The following ZNF610 variants were observed in gnomAD, a reference collection of about 807,000 sequenced individuals.
The protein encoded by ZNF610 is zink finger protein.
Under a neutral mutation model 14.1 loss-of-function variants are expected in ZNF610, and 14 were observed. The ratio of observed to expected loss-of-function variants is 0.99; its 90% confidence interval spans 0.65 to 1.55. ZNF610 has a LOEUF of 1.55. Ranked by LOEUF, ZNF610 falls within the 40% of genes most tolerant of loss-of-function variation. The pLI, the probability that ZNF610 is intolerant of heterozygous loss-of-function variation, is 0.00. For missense variants in ZNF610, 530 were observed against 558.0 expected (o/e 0.95, Z 0.51); for synonymous variants, 185 against 187.6 (o/e 0.99, Z 0.11).
chr19:52,363,260 G>T (rs1985870656), intron 5 of ZNF610, among the ~76,000 whole-genome samples: 1 of 151,906 alleles, frequency 6.6e-6, no homozygotes, highest in African/African-American at 2.4e-5. Flanking sequence ...CACCTGAGTA[G>T]CTAGGATTAC....
chr19:52,361,720 A>C (rs1985790612), intron 5 of ZNF610, among the ~76,000 whole-genome samples: 2 of 151,924 alleles, frequency 1.3e-5, no homozygotes, highest in Admixed American at 6.6e-5. Context: ...TTGCCCTCCC[A>C]AAGTGCTAGG....
At chr19:52,338,912 A>G (rs192455239) in intron 1 of ZNF610, among the ~76,000 whole-genome samples, 43 of 139,146 alleles carry the variant, frequency 3.1e-4, no homozygotes, top group African/African-American at 1.1e-3. Flanking sequence ...CGCTCAGCAT[A>G]CGGAGGACCC....
chr19:52,333,169 G>A (rs1412576968), upstream of ZNF610, among the ~76,000 whole-genome samples: 1 of 152,188 alleles, frequency 6.6e-6, no homozygotes, highest in Admixed American at 6.5e-5. Context: ...ACATTAGAAG[G>A]AGAGCTCTTA....
chr19:52,350,964 C>T (rs778618879), intron 3 of ZNF610, among the ~76,000 whole-genome samples: 3 of 152,242 alleles, frequency 2.0e-5, no homozygotes, highest in Non-Finnish European at 4.4e-5. Flanking sequence ...CGCACCATTG[C>T]ACTTCAGCCT....
chr19:52,353,027 C>T (rs1985334726), intron 3 of ZNF610, among the ~76,000 whole-genome samples: 1 of 152,068 alleles, frequency 6.6e-6, no homozygotes, highest in African/African-American at 2.4e-5. Context: ...CAACCTCTGC[C>T]TCCCAGGTTC....
rs761699949 is a variant in ZNF610 at position 52,365,792 on chromosome 19, G to A, written c.414G>A (p.Leu138=). Residue 138 remains leucine, a synonymous_variant, in exon 6 of 6, where the codon CTG becomes CTA. Transcript: ENST00000403906. The part of the protein sequence containing the change: ...TLEAHLSELQ[L]FQAGRKIYRS... ...AGGCACATCTGTCTGAATTGCAGCT[G>A]TTTCAAGCCGGAAGGAAAATTTACA... The A allele has an allele frequency of 6.2e-6, 10 of 1,614,060 alleles. No individual in the cohort carries two copies. In the Admixed American group the frequency reaches 1.0e-4, roughly 16 times the overall value.
intron 3 of ZNF610, among the ~76,000 whole-genome samples, chr19:52,353,231 C>T (rs147612110): frequency 1.1e-3 from 166 of 152,306 alleles, no homozygotes; most frequent in African/African-American, 3.9e-3. Flanking sequence ...TGAGCCACTG[C>T]GCCCAGCCTA....
chr19:52,332,710 C>T (rs187537975), upstream of ZNF610, among the ~76,000 whole-genome samples: 103 of 152,260 alleles, frequency 6.8e-4, no homozygotes, highest in Admixed American at 1.8e-3. The surrounding 1 kb of genome is among the most constrained non-coding windows in gnomAD (Gnocchi z 4.1). Flanking sequence ...TTCCTATTTC[C>T]GTAAGACCTG....
chr19:52,331,391 C>T (rs1339960420), upstream of ZNF610, among the ~76,000 whole-genome samples: 2 of 152,148 alleles, frequency 1.3e-5, no homozygotes, highest in Non-Finnish European at 2.9e-5. Context: ...TTATAAAAAA[C>T]AAGAGTCTGA....
chr19:52,361,971 A>T (rs1484675114), intron 5 of ZNF610, among the ~76,000 whole-genome samples: 3 of 152,148 alleles, frequency 2.0e-5, no homozygotes, highest in Admixed American at 2.0e-4. Flanking sequence ...CCCACATTGG[A>T]GTGCAGTAGT....
chr19:52,343,646 T>A (rs997059597), intron 1 of ZNF610, among the ~76,000 whole-genome samples: 5 of 152,304 alleles, frequency 3.3e-5, no homozygotes, highest in African/African-American at 1.2e-4. Flanking sequence ...TGTACCTTGA[T>A]ACAAGCAGTT....
chr19:52,334,958 C>CACACACACACACACACACACACACAA (rs766597308), upstream of ZNF610, among the ~76,000 whole-genome samples: 6 of 151,250 alleles, frequency 4.0e-5, no homozygotes, highest in African/African-American at 1.2e-4. Flanking sequence ...CACACACACA[C>CACACACACACACACACACACACACAA]AATGTAATTT....
rs779652791 is a variant in ZNF610, at chr19:52,366,217, G to T, written c.839G>T (p.Arg280Ile). 2.0e-5 allele frequency: 32 copies of T among 1,613,874 alleles called. No homozygotes were observed. The highest frequency in any genetic ancestry group is 2.6e-5 in the Non-Finnish European group (31 of 1,179,974). Residue 280 changes from arginine to isoleucine, a missense_variant, in exon 6 of 6, where the codon AGA becomes ATA. Arg to Ile is a moderately conservative substitution (Grantham distance 97). Coordinates refer to ENST00000403906, the MANE Select transcript of ZNF610 (RefSeq NM_001161425.2). The stretch of plus-strand genomic sequence containing the variant: ...AATTCAAACCTTGCACGACATCAAA[G>T]AATTCATACTGGAGAGAAGCCTCAC... ...NRNSNLARHQ[R>I]IHTGEKPHKC...
At chr19:52,343,343 G>C (rs1004820772) in intron 1 of ZNF610, among the ~76,000 whole-genome samples, 1 of 152,080 alleles carries the variant, frequency 6.6e-6, no homozygotes, top group Non-Finnish European at 1.5e-5. Flanking sequence ...AGAGGTTGCA[G>C]TTAGCCAAAG....
intron 1 of ZNF610, among the ~76,000 whole-genome samples, chr19:52,345,808 C>G (rs949400110): frequency 5.3e-5 from 8 of 151,654 alleles, no homozygotes; most frequent in Non-Finnish European, 8.8e-5. Context: ...GGGTTCACAC[C>G]ATTCTCCCAC....
At chr19:52,344,080 G>T (rs117076351) in intron 1 of ZNF610, 1 of 152,040 alleles carries the variant, frequency 6.6e-6, no homozygotes, top group Non-Finnish European at 1.5e-5. Flanking sequence ...TGCATCACTC[G>T]TGAAGGAAGG....
chr19:52,366,938 CAT>C lies in ZNF610; in HGVS notation c.*177_*178del. Reference sequence around the variant, plus strand: ...AACCCTACAAATGTAAAGTTAATAACATATATAAATAATCTATAAAGAGAGAA... The same window carrying C: ...AACCCTACAAATGTAAAGTTAATAACATATAAATAATCTATAAAGAGAGAA... On this transcript the variant is annotated 3_prime_UTR_variant, in exon 6 of 6. Transcript: ENST00000403906. 1 of 584,990 alleles carries C rather than the reference CAT, an allele frequency of 1.7e-6. No individual in the cohort carries two copies. Among genetic ancestry groups the C allele is most frequent in the East Asian group, 2.8e-5 (1 of 35,810 alleles). 36.2% of individuals were successfully genotyped at this position (584,990 alleles called of 1,614,324 possible). A position where few individuals can be genotyped will look rare whatever the true frequency, so the allele number is the denominator to read the frequency against.
At chr19:52,351,954 C>G (rs1290798701) in intron 3 of ZNF610, among the ~76,000 whole-genome samples, 2 of 152,050 alleles carry the variant, frequency 1.3e-5, no homozygotes, top group East Asian at 3.9e-4. Context: ...CTTGGTGCTT[C>G]TTTGGGGTGC....
At chr19:52,349,573 AT>A (rs909735950) in intron 3 of ZNF610, among the ~76,000 whole-genome samples, 3,022 of 132,594 alleles carry the variant, frequency 0.023, 84 homozygotes, top group African/African-American at 0.069. Context: ...GAAGTCACGT[AT>A]TTTTTTTTTT....
Sources: allele counts gnomAD v4.1 joint callset (sites outside exome capture counted in the v4.1 genomes callset), GRCh38; gene constraint gnomAD v4.1.1; non-coding constraint Gnocchi (gnomAD v3.1); transcripts MANE v1.5; gene names NCBI Gene and HGNC (gene_info 2026-07-23, HGNC 2026-07-21).